Variants in NEDD4L observed in about 807,000 individuals in gnomAD.
The protein encoded by NEDD4L is E3 ubiquitin-protein ligase NEDD4-like.
In NEDD4L, 54 loss-of-function variants were observed where a neutral mutation model predicts 148.9. The ratio of observed to expected loss-of-function variants is 0.36; its 90% confidence interval spans 0.29 to 0.45. NEDD4L has a LOEUF of 0.45. Among genes scored for constraint, NEDD4L ranks in the 20% least tolerant of loss-of-function variants. The probability of loss-of-function intolerance (pLI) is 1.00; values close to 1 mark genes in which losing one functional copy is unlikely to be tolerated. For missense variants in NEDD4L, 856 were observed against 1,233.8 expected (o/e 0.69, Z 4.59); for synonymous variants, 433 against 440.7 (o/e 0.98, Z 0.22).
chr18:58,320,131 T>C (rs190683035), intron 6 of NEDD4L, among the ~76,000 whole-genome samples: 5 of 152,286 alleles, frequency 3.3e-5, no homozygotes, highest in African/African-American at 1.2e-4. Flanking sequence ...CCCTCTAAGC[T>C]CCGTGGTTTT....
At chr18:58,070,942 A>T (rs969044761) in intron 1 of NEDD4L, among the ~76,000 whole-genome samples, 43 of 152,310 alleles carry the variant, frequency 2.8e-4, no homozygotes, top group African/African-American at 9.9e-4. Flanking sequence ...TGATTTTTAG[A>T]ATTGACACAT....
intron 2 of NEDD4L, among the ~76,000 whole-genome samples, chr18:58,186,601 A>G (rs1386079811): frequency 6.6e-6 from 1 of 152,238 alleles, no homozygotes; most frequent in Non-Finnish European, 1.5e-5. Flanking sequence ...TTTATATGGC[A>G]TAATTAAATC....
chr18:58,323,368 T>A, intron 8 of NEDD4L, 34 bp downstream of exon 8: 5 of 1,068,578 alleles, frequency 4.7e-6, no homozygotes, highest in Non-Finnish European at 7.1e-6. Flanking sequence ...TCTCCTTGCC[T>A]TGAGATCATA....
intron 5 of NEDD4L, among the ~76,000 whole-genome samples, chr18:58,268,903 G>C (rs1196340072): frequency 6.6e-6 from 1 of 151,946 alleles, no homozygotes; most frequent in East Asian, 1.9e-4. Flanking sequence ...GCTCTTGGGA[G>C]CATTCTTTCA....
At chr18:58,232,346 C>T (rs1326916651) in intron 2 of NEDD4L, among the ~76,000 whole-genome samples, 3 of 152,162 alleles carry the variant, frequency 2.0e-5, no homozygotes, top group Non-Finnish European at 4.4e-5. Flanking sequence ...TCCCTGAGAT[C>T]CAAATATAAT....
intron 1 of NEDD4L, among the ~76,000 whole-genome samples, chr18:58,082,589 TG>T (rs1300270287): frequency 6.6e-6 from 1 of 150,646 alleles, no homozygotes; most frequent in Non-Finnish European, 1.5e-5. Context: ...CCGGCCAACA[TG>T]GTGAAACCCC....
chr18:58,224,694 A>G (rs1308111537), intron 2 of NEDD4L, among the ~76,000 whole-genome samples: 1 of 152,192 alleles, frequency 6.6e-6, no homozygotes, highest in Non-Finnish European at 1.5e-5. Flanking sequence ...ATTACTTGAA[A>G]ACAAGTTGTC....
chr18:58,386,531 G>T (rs989074008), intron 26 of NEDD4L, among the ~76,000 whole-genome samples: 1 of 152,114 alleles, frequency 6.6e-6, no homozygotes, highest in Non-Finnish European at 1.5e-5. Context: ...TGCCCAGATC[G>T]AACTTTTAAT....
At chr18:58,296,384 C>T (rs543786057) in intron 5 of NEDD4L, among the ~76,000 whole-genome samples, 74 of 152,340 alleles carry the variant, frequency 4.9e-4, no homozygotes, top group Admixed American at 1.0e-3. Flanking sequence ...TACCAAACTA[C>T]TACCAGTTCA....
intron 13 of NEDD4L, 198 bp from the exon 14 acceptor site, chr18:58,340,840 A>G (rs1601463328): frequency 5.4e-6 from 3 of 560,468 alleles, no homozygotes; most frequent in Admixed American, 7.1e-5. Context: ...CTGCAACTGT[A>G]TGGGGTTCAT....
chr18:58,260,373 A>T (rs1015987487), intron 5 of NEDD4L, among the ~76,000 whole-genome samples: 1 of 152,196 alleles, frequency 6.6e-6, no homozygotes, highest in Non-Finnish European at 1.5e-5. Context: ...GAAAAGTTGG[A>T]TAGGCAGTGC....
chr18:58,236,690 C>T (rs926149119), intron 2 of NEDD4L, among the ~76,000 whole-genome samples: 1 of 152,200 alleles, frequency 6.6e-6, no homozygotes, highest in Admixed American at 6.5e-5. Context: ...AAGTTATGAC[C>T]ATTGCTCATA....
At chr18:58,356,266 C>A (rs1451527803) in intron 18 of NEDD4L, among the ~76,000 whole-genome samples, 2 of 150,978 alleles carry the variant, frequency 1.3e-5, no homozygotes, top group Non-Finnish European at 2.9e-5. Context: ...CCACCCTTTA[C>A]TTTTCAAATA....
intron 24 of NEDD4L, among the ~76,000 whole-genome samples, chr18:58,376,646 G>A (rs938218947): frequency 2.4e-4 from 36 of 151,950 alleles, no homozygotes; most frequent in Non-Finnish European, 1.5e-4. Flanking sequence ...CTAGACCCCC[G>A]ACCCGTCTCT....
chr18:58,150,886 C>A (rs780135214), intron 1 of NEDD4L, among the ~76,000 whole-genome samples: 10 of 152,128 alleles, frequency 6.6e-5, no homozygotes, highest in Non-Finnish European at 1.5e-4. Flanking sequence ...TGACCCCCTT[C>A]TCCTGTGATC....
intron 2 of NEDD4L, among the ~76,000 whole-genome samples, chr18:58,223,577 A>T (rs942858994): frequency 3.3e-5 from 5 of 152,080 alleles, no homozygotes; most frequent in Non-Finnish European, 7.4e-5. Context: ...TTCAGCCTGT[A>T]CTTCTTAGGG....
At chr18:58,089,796 C>A (rs770223630) in intron 1 of NEDD4L, among the ~76,000 whole-genome samples, 2 of 151,428 alleles carry the variant, frequency 1.3e-5, no homozygotes, top group Non-Finnish European at 2.9e-5. Flanking sequence ...CTCCCTGTGT[C>A]TTCACGGGGT....
intron 5 of NEDD4L, 124 bp from the exon 6 acceptor site, chr18:58,315,858 C>A: frequency 1.1e-6 from 1 of 876,278 alleles, no homozygotes; most frequent in Non-Finnish European, 2.0e-6. Flanking sequence ...TCGGGGCCTT[C>A]CGCCCTCCAC....
chr18:58,125,358 G>GGTGTGT lies in NEDD4L; in HGVS notation c.49-40405_49-40400dup, dbSNP rs34644275. ...ACTGTCCTCTTCCCCCCACCAGGAG[G>GGTGTGT]GTGTGTGTGTGTGTGTGTGTGTGTG... On this transcript the variant is annotated intron_variant, in intron 1 of 30. Transcript: ENST00000400345. Among the ~76,000 whole-genome samples, 773 of 148,814 alleles carry GGTGTGT rather than the reference G, an allele frequency of 5.2e-3. 2 individuals carry two copies. The highest frequency in any genetic ancestry group is 6.7e-3 in the Non-Finnish European group (450 of 67,074).
Sources: gnomAD v4.1 joint callset for allele counts (sites outside exome capture counted in the v4.1 genomes callset) on GRCh38, gnomAD v4.1.1 for gene constraint, MANE v1.5 for transcripts, NCBI Gene and HGNC (gene_info 2026-07-23, HGNC 2026-07-21) for gene names.